Variants in SIN3B observed in about 807,000 individuals in gnomAD.
The protein encoded by SIN3B is SIN3 transcription regulator family member B.
In SIN3B, 19 loss-of-function variants were observed where a neutral mutation model predicts 120.2. That is an observed-to-expected ratio of 0.16 (90% CI 0.11 to 0.23). The LOEUF is 0.23. Ranked by LOEUF, SIN3B falls within the 10% of genes least tolerant of loss-of-function variation. The pLI is 1.00. For missense variants in SIN3B, 1,073 were observed against 1,573.0 expected (o/e 0.68, Z 5.38); for synonymous variants, 654 against 653.2 (o/e 1.00, Z -0.02).
At chr19:16,837,182 A>C (rs751155465) in intron 3 of SIN3B, among the ~76,000 whole-genome samples, 1 of 152,100 alleles carries the variant, frequency 6.6e-6, no homozygotes, top group Non-Finnish European at 1.5e-5. Context: ...GGAACAGCCA[A>C]GGAGAACGGC....
At chr19:16,839,868 T>G (rs757223890) in intron 3 of SIN3B, among the ~76,000 whole-genome samples, 3 of 151,974 alleles carry the variant, frequency 2.0e-5, no homozygotes, top group Non-Finnish European at 2.9e-5. Context: ...AATAGAAAAA[T>G]TAGCCAGCGT....
At chr19:16,857,493 C>CT (rs1327195545) in intron 8 of SIN3B, among the ~76,000 whole-genome samples, 1 of 143,518 alleles carries the variant, frequency 7.0e-6, no homozygotes, top group Non-Finnish European at 1.5e-5. Context: ...TGTGTGAGCC[C>CT]TTTTGCATTA....
intron 5 of SIN3B, among the ~76,000 whole-genome samples, chr19:16,848,201 C>G (rs536060048): frequency 6.6e-6 from 1 of 152,304 alleles, no homozygotes; most frequent in South Asian, 2.1e-4. Context: ...GTGAACAGTG[C>G]CGCCATCAAC....
rs149683973 is a variant in SIN3B, at chr19:16,876,563, C to T, written c.2844C>T (p.Asp948=). 70 of 1,613,250 alleles carry T rather than the reference C, an allele frequency of 4.3e-5. No individual in the cohort carries two copies. The highest frequency in any genetic ancestry group is 5.9e-5 in the Non-Finnish European group (70 of 1,179,780). Residue 948 remains aspartate (D), a synonymous_variant, in exon 16 of 19, where the codon GAC becomes GAT. Transcript: ENST00000248054. This position sits in a 1 kb window ranked among gnomAD's most constrained non-coding sequence, Gnocchi z 7.1. ...LLDTEEAQTE[D]PVEVQHLARY... ...ACACCGAGGAGGCCCAGACGGAGGA[C>T]CCTGTGGAGGTCCAGGTGAGGCCCT...
chr19:16,836,998 G>A (rs1971357162), intron 3 of SIN3B, among the ~76,000 whole-genome samples: 1 of 152,134 alleles, frequency 6.6e-6, no homozygotes, highest in African/African-American at 2.4e-5. Flanking sequence ...CAAGGTGGGG[G>A]GTCCGATGAG....
chr19:16,877,650 C>G lies in SIN3B; in HGVS notation c.2954+11C>G. The G allele has an allele frequency of 6.3e-7, 1 of 1,575,060 alleles. No individual in the cohort carries two copies. Among genetic ancestry groups the G allele is most frequent in the African/African-American group, 1.3e-5 (1 of 74,596 alleles). ...TGTGTTCCTGCAGAGGTAAGAGGCC[C>G]TGAGATGCATGCTCTGTTCCTTCCT... On this transcript the variant is annotated intron_variant, in intron 17 of 18. Coordinates refer to ENST00000248054, the MANE Select transcript of SIN3B (RefSeq NM_001297595.2).
chr19:16,875,854 G>C (rs1470407968), intron 14 of SIN3B: 2 of 627,548 alleles, frequency 3.2e-6, no homozygotes, highest in East Asian at 2.8e-5. Context: ...GGTCTGGTCT[G>C]TTTGGTCTGG....
intron 7 of SIN3B, 59 bp from the exon 8 acceptor site, chr19:16,854,084 C>A: frequency 7.5e-7 from 1 of 1,336,142 alleles, no homozygotes; most frequent in Non-Finnish European, 1.1e-6. Flanking sequence ...TACAAGTGAG[C>A]CAGGCCCAGA....
intron 3 of SIN3B, 66 bp downstream of exon 3, chr19:16,831,713 G>A: frequency 7.0e-7 from 1 of 1,438,838 alleles, no homozygotes; most frequent in South Asian, 1.2e-5. Flanking sequence ...CTCAGGTTGG[G>A]CCACGTGTCT....
At chr19:16,847,143 G>A (rs749567189) in intron 5 of SIN3B, 30 bp downstream of exon 5, 16 of 1,594,458 alleles carry the variant, frequency 1.0e-5, no homozygotes, top group East Asian at 6.8e-5. Flanking sequence ...GCCCAGCCTC[G>A]GGGGCCTCAG....
intron 8 of SIN3B, among the ~76,000 whole-genome samples, chr19:16,861,517 C>A (rs1971687636): frequency 6.6e-6 from 1 of 152,146 alleles, no homozygotes; most frequent in South Asian, 2.1e-4. Flanking sequence ...AATCCCAGCA[C>A]TTTGGGAGGC....
At chr19:16,865,720 C>T (rs1468154085) in intron 11 of SIN3B, 72 bp downstream of exon 11, 7 of 1,028,550 alleles carry the variant, frequency 6.8e-6, no homozygotes, top group Non-Finnish European at 5.8e-6. Flanking sequence ...CCCTCCCCTC[C>T]CCACTGCAGG....
Position 16,831,584 on chromosome 19 carries a change from C to A in SIN3B, c.318C>A (p.Leu106=). The change falls in exon 3 of 19, where the codon CTC becomes CTA. Residue 106 remains leucine, a synonymous_variant. Transcript: ENST00000248054. ...LIVGFNAFLP[L]GYRIDIPKNG... ...TTGGATTCAACGCTTTTCTTCCCCTCGGATATAGAATAGACATTCCCAAGA... is the reference window on the plus strand; with the variant it reads ...TTGGATTCAACGCTTTTCTTCCCCTAGGATATAGAATAGACATTCCCAAGA... 6.2e-7 allele frequency: 1 copy of A among 1,614,056 alleles called. No individual in the cohort carries two copies. Among genetic ancestry groups the A allele is most frequent in the Non-Finnish European group, 8.5e-7 (1 of 1,179,962 alleles).
intron 14 of SIN3B, among the ~76,000 whole-genome samples, chr19:16,873,973 A>G (rs780084580): frequency 6.6e-6 from 1 of 152,182 alleles, no homozygotes; most frequent in Non-Finnish European, 1.5e-5. Context: ...TCCAGGTGTT[A>G]TTGTATCCAT....
At chr19:16,873,687 A>G (rs1197226037) in intron 14 of SIN3B, among the ~76,000 whole-genome samples, 1 of 152,184 alleles carries the variant, frequency 6.6e-6, no homozygotes, top group African/African-American at 2.4e-5. Flanking sequence ...CCTGTTAAAA[A>G]CAAAGCAATG....
In SIN3B at chr19:16,869,867, T is replaced by C; in HGVS notation, c.2214T>C (p.Asp738=). 1 of 1,614,192 alleles carries C rather than the reference T, an allele frequency of 6.2e-7. No homozygotes were observed. The highest frequency in any genetic ancestry group is 8.5e-7 in the Non-Finnish European group (1 of 1,180,022). The change falls in exon 13 of 19, where the codon GAT becomes GAC. Residue 738 remains aspartate (D), a synonymous_variant. Coordinates refer to ENST00000248054, the MANE Select transcript of SIN3B (RefSeq NM_001297595.2). ...CAGCCCCGCACAAGCCCCTGGACGA[T>C]GTCTACAGCCTATTTTTTGCCAACA... ...PPPAPHKPLD[D]VYSLFFANNN...
intron 14 of SIN3B, among the ~76,000 whole-genome samples, chr19:16,873,200 A>G (rs965564695): frequency 2.6e-5 from 4 of 151,988 alleles, no homozygotes; most frequent in African/African-American, 9.7e-5. Context: ...CCGTTGGGAC[A>G]TCTTTTCTCA....
At chr19:16,853,991 C>A in intron 7 of SIN3B, 152 bp from the exon 8 acceptor site, 1 of 609,694 alleles carries the variant, frequency 1.6e-6, no homozygotes, top group Non-Finnish European at 2.9e-6. Flanking sequence ...GGATTGCGTG[C>A]ATGGGCTGTG....
intron 4 of SIN3B, 84 bp from the exon 5 acceptor site, chr19:16,846,886 C>T: frequency 1.4e-6 from 2 of 1,451,208 alleles, no homozygotes; most frequent in Non-Finnish European, 1.9e-6. Context: ...CTGTCCCCTT[C>T]ACGGAGGGCT....
Sources: gnomAD v4.1 joint callset for allele counts (sites outside exome capture counted in the v4.1 genomes callset) on GRCh38, gnomAD v4.1.1 for gene constraint, Gnocchi (gnomAD v3.1) non-coding constraint, MANE v1.5 for transcripts, NCBI Gene and HGNC (gene_info 2026-07-23, HGNC 2026-07-21) for gene names.